The following GAS7 variants were observed in gnomAD, a reference collection of about 807,000 sequenced individuals.
GAS7 encodes the protein growth arrest specific 7.
In GAS7, 28 loss-of-function variants were observed where a neutral mutation model predicts 71.1. The observed-to-expected ratio is 0.39, with a 90% CI of 0.29 to 0.54. The LOEUF is 0.54. Ranked by LOEUF, GAS7 falls within the 20% of genes least tolerant of loss-of-function variation. GAS7 has a pLI of 0.62. For missense variants in GAS7, 436 were observed against 627.8 expected (o/e 0.69, Z 3.27); for synonymous variants, 258 against 245.8 (o/e 1.05, Z -0.46).
chr17:9,960,464 A>C (rs2069439458), intron 4 of GAS7, among the ~76,000 whole-genome samples: 1 of 152,232 alleles, frequency 6.6e-6, no homozygotes, highest in South Asian at 2.1e-4. Context: ...TGCTGGGATT[A>C]TAGGCATGAG....
chr17:10,169,562 T>C (rs531723552), intron 1 of GAS7, among the ~76,000 whole-genome samples: 1 of 152,208 alleles, frequency 6.6e-6, no homozygotes, highest in African/African-American at 2.4e-5. Context: ...AATGTCCCGA[T>C]GACTCCATGG....
intron 11 of GAS7, among the ~76,000 whole-genome samples, chr17:9,923,550 A>G (rs62064523): frequency 0.038 from 5,839 of 152,332 alleles, 159 homozygotes; most frequent in Non-Finnish European, 0.058. Context: ...ATTTATATGT[A>G]TATTTTACAT....
Position 9,913,905 on chromosome 17 carries a change from A to T in GAS7, c.*3323T>A, listed in dbSNP as rs1312228287. 13 of 232,202 alleles carry T rather than the reference A, an allele frequency of 5.6e-5. 1 individual carries two copies. In the East Asian group the frequency reaches 6.7e-4, roughly 12 times the overall value. 14.4% of individuals were successfully genotyped at this position (232,202 alleles called of 1,614,324 possible). On this transcript the variant is annotated 3_prime_UTR_variant, in exon 14 of 14. Transcript: ENST00000432992. ...ATCAGTCTCCTGGGTGGAGGCAGGT[A>T]GAAGGGGCTGACTTGTTCTCAGAAA...
At chr17:10,126,474 G>A (rs989071566) in intron 1 of GAS7, among the ~76,000 whole-genome samples, 32 of 147,314 alleles carry the variant, frequency 2.2e-4, no homozygotes, top group African/African-American at 7.5e-4. Context: ...ATGCACACAC[G>A]CACACTCACA....
At chr17:10,188,212 C>T (rs1253898964) in intron 1 of GAS7, among the ~76,000 whole-genome samples, 1 of 151,932 alleles carries the variant, frequency 6.6e-6, no homozygotes, top group East Asian at 1.9e-4. Context: ...CACTGCACTC[C>T]AGCCTGGGTG....
intron 2 of GAS7, among the ~76,000 whole-genome samples, chr17:10,005,100 T>C (rs563955428): frequency 2.0e-5 from 3 of 146,438 alleles, no homozygotes; most frequent in Non-Finnish European, 4.5e-5. Context: ...CACGCATACA[T>C]GCATGTGTGT....
intron 1 of GAS7, among the ~76,000 whole-genome samples, chr17:10,046,697 C>G (rs1338073714): frequency 6.9e-6 from 1 of 144,984 alleles, no homozygotes; most frequent in Non-Finnish European, 1.5e-5. Context: ...GATCACGCCA[C>G]TGCACTCCAG....
chr17:10,163,260 G>A lies in GAS7; in HGVS notation c.183+34948C>T, dbSNP rs1363433126. Among the ~76,000 whole-genome samples, 7 of 152,120 alleles carry A rather than the reference G, an allele frequency of 4.6e-5. 1 individual carries two copies. Among genetic ancestry groups the A allele is most frequent in the African/African-American group, 9.6e-5 (4 of 41,500 alleles). ...TGAGGAGCTGGGATTACAGGCATGC[G>A]CCAACACGCCCGCTAATTTTTGTAT... On this transcript the variant is annotated intron_variant, in intron 1 of 13. Transcript: ENST00000432992.
chr17:10,155,386 C>T (rs1239978366), intron 1 of GAS7, among the ~76,000 whole-genome samples: 4 of 152,246 alleles, frequency 2.6e-5, no homozygotes, highest in African/African-American at 9.6e-5. Flanking sequence ...TCCCTTCTCC[C>T]AAGACTCTTC....
At chr17:9,929,421 C>T (rs1164953377) in intron 9 of GAS7, among the ~76,000 whole-genome samples, 3 of 152,194 alleles carry the variant, frequency 2.0e-5, no homozygotes, top group Non-Finnish European at 4.4e-5. Context: ...GATTTGATTC[C>T]ACAGATGAGG....
At chr17:9,924,768 T>C (rs2067936328) in intron 11 of GAS7, 1 of 152,188 alleles carries the variant, frequency 6.6e-6, no homozygotes, top group Admixed American at 6.6e-5. Context: ...CAAACTCTAA[T>C]ACTACGGCAC....
intron 1 of GAS7, among the ~76,000 whole-genome samples, chr17:10,079,040 T>G (rs1227253587): frequency 6.6e-6 from 1 of 152,132 alleles, no homozygotes; most frequent in East Asian, 1.9e-4. Context: ...AGATGACAAC[T>G]GTTCAGACTT....
In GAS7 at chr17:9,926,762, C is replaced by A. The variant is rs1233308349; in HGVS notation, c.893G>T (p.Ser298Ile). ...VHLKFSAKLHSEVEKPLMNFR... is the reference protein window; with the variant it reads ...VHLKFSAKLHIEVEKPLMNFR... Reference sequence around the variant, plus strand: ...GTTCATCAGGGGCTTCTCCACCTCGCTGTGAAGCTGTTGGGAGAGTAGAGA... The same window carrying A: ...GTTCATCAGGGGCTTCTCCACCTCGATGTGAAGCTGTTGGGAGAGTAGAGA... Residue 298 changes from serine to isoleucine, a missense_variant, in exon 10 of 14, where the codon AGC (serine) becomes ATC (isoleucine). Coordinates refer to ENST00000432992, the MANE Select transcript of GAS7 (RefSeq NM_201433.2). The surrounding 1 kb of genome is among the most constrained non-coding windows in gnomAD (Gnocchi z 5.0). The A allele has an allele frequency of 6.2e-7, 1 of 1,614,090 alleles. No homozygotes were observed. The highest frequency in any genetic ancestry group is 1.3e-5 in the African/African-American group (1 of 75,056).
At chr17:10,004,361 T>A (rs2071385441) in intron 2 of GAS7, among the ~76,000 whole-genome samples, 1 of 152,192 alleles carries the variant, frequency 6.6e-6, no homozygotes, top group Non-Finnish European at 1.5e-5. Flanking sequence ...ACAGATCATT[T>A]CAATGCATAC....
chr17:10,006,931 T>C (rs966396169), intron 2 of GAS7, among the ~76,000 whole-genome samples: 1 of 152,216 alleles, frequency 6.6e-6, no homozygotes, highest in Non-Finnish European at 1.5e-5. Context: ...TTGTCTTCAA[T>C]AGCTCCACCA....
intron 1 of GAS7, among the ~76,000 whole-genome samples, chr17:10,121,518 C>T (rs963860361): frequency 6.6e-6 from 1 of 152,156 alleles, no homozygotes. Context: ...CCCCATGTGT[C>T]AAACAGGCAT....
At chr17:10,067,306 G>A (rs560903692) in intron 1 of GAS7, among the ~76,000 whole-genome samples, 3 of 152,136 alleles carry the variant, frequency 2.0e-5, no homozygotes, top group Admixed American at 6.5e-5. Flanking sequence ...GTGTAGTGGC[G>A]CGATCTCGGC....
chr17:10,081,795 T>C (rs566955039), intron 1 of GAS7, among the ~76,000 whole-genome samples: 1 of 152,344 alleles, frequency 6.6e-6, no homozygotes, highest in Admixed American at 6.5e-5. Context: ...ATGGAAATTC[T>C]GATACTCTGT....
chr17:10,179,059 G>A (rs912755933), intron 1 of GAS7, among the ~76,000 whole-genome samples: 13 of 152,052 alleles, frequency 8.5e-5, no homozygotes, highest in Admixed American at 2.6e-4. Flanking sequence ...GCCAGGCACG[G>A]TGGCTCATGC....
Sources: allele counts gnomAD v4.1 joint callset (sites outside exome capture counted in the v4.1 genomes callset), GRCh38; gene constraint gnomAD v4.1.1; non-coding constraint Gnocchi (gnomAD v3.1); transcripts MANE v1.5; gene names NCBI Gene and HGNC (gene_info 2026-07-23, HGNC 2026-07-21).